The following STXBP5L variants were observed in gnomAD, a reference collection of about 807,000 sequenced individuals.
STXBP5L encodes the protein syntaxin-binding protein 5-like.
Under a neutral mutation model 144.5 loss-of-function variants are expected in STXBP5L, and 65 were observed. That is an observed-to-expected ratio of 0.45 (90% CI 0.37 to 0.55). The LOEUF (loss-of-function observed/expected upper bound fraction) is 0.55, where lower values mean the gene tolerates loss of function less well. STXBP5L is among the 20% of genes least tolerant of loss of function. The probability of loss-of-function intolerance (pLI) is 0.00; values close to 1 mark genes in which losing one functional copy is unlikely to be tolerated. For synonymous variants in STXBP5L, 505 were observed against 469.6 expected (o/e 1.08, Z -0.97); for missense variants, 1,298 against 1,405.5 (o/e 0.92, Z 1.22).
At chr3:121,045,003 T>A (rs1947412699) in intron 4 of STXBP5L, among the ~76,000 whole-genome samples, 1 of 152,124 alleles carries the variant, frequency 6.6e-6, no homozygotes, top group Non-Finnish European at 1.5e-5. Context: ...TACAGAAAAT[T>A]CTTGCAAAGG....
At chr3:121,352,510 T>C (rs1028267552) in intron 20 of STXBP5L, among the ~76,000 whole-genome samples, 1 of 152,116 alleles carries the variant, frequency 6.6e-6, no homozygotes, top group Non-Finnish European at 1.5e-5. Context: ...ATAGGAATGA[T>C]TGTGAGTTTT....
intron 5 of STXBP5L, among the ~76,000 whole-genome samples, chr3:121,097,839 T>C (rs564414716): frequency 1.3e-5 from 2 of 152,338 alleles, no homozygotes; most frequent in African/African-American, 4.8e-5. Flanking sequence ...TGAAATGTGA[T>C]CTAATACAAT....
At chr3:121,102,589 A>T (rs368943116) in intron 5 of STXBP5L, among the ~76,000 whole-genome samples, 37 of 152,146 alleles carry the variant, frequency 2.4e-4, no homozygotes, top group African/African-American at 8.9e-4. Context: ...CAGACCTCAA[A>T]CTATAAGAAT....
chr3:121,335,525 GCAT>G (rs1227213482), intron 20 of STXBP5L, among the ~76,000 whole-genome samples: 1 of 152,106 alleles, frequency 6.6e-6, no homozygotes, highest in Non-Finnish European at 1.5e-5. Context: ...AAAACTGGAA[GCAT>G]CATGTTACCC....
intron 20 of STXBP5L, among the ~76,000 whole-genome samples, chr3:121,332,308 C>A (rs2044345547): frequency 6.9e-6 from 1 of 143,986 alleles, no homozygotes; most frequent in African/African-American, 2.6e-5. Flanking sequence ...TAAGTTACTT[C>A]AGGAGATACA....
intron 19 of STXBP5L, among the ~76,000 whole-genome samples, chr3:121,302,850 C>T (rs1056063282): frequency 6.6e-6 from 1 of 152,142 alleles, no homozygotes; most frequent in African/African-American, 2.4e-5. Context: ...GAAACTGGAT[C>T]CCTTCCTTAC....
chr3:121,364,133 C>T (rs1389857522), intron 20 of STXBP5L, among the ~76,000 whole-genome samples: 2 of 152,008 alleles, frequency 1.3e-5, no homozygotes. Context: ...TTAACTTTTG[C>T]CCTTTGTAGC....
At chr3:121,130,683 T>C (rs1028761785) in intron 7 of STXBP5L, among the ~76,000 whole-genome samples, 24 of 152,096 alleles carry the variant, frequency 1.6e-4, no homozygotes, top group South Asian at 8.3e-4. Context: ...ATCATCACAA[T>C]TGGTAGAGCC....
At chr3:121,214,892 G>T (rs2048716858) in intron 10 of STXBP5L, among the ~76,000 whole-genome samples, 1 of 152,088 alleles carries the variant, frequency 6.6e-6, no homozygotes, top group Non-Finnish European at 1.5e-5. Flanking sequence ...GGGTGCTCCT[G>T]TATTGGTTGC....
intron 3 of STXBP5L, among the ~76,000 whole-genome samples, chr3:121,002,279 C>G (rs75533524): frequency 0.099 from 15,107 of 151,980 alleles, 1,186 homozygotes; most frequent in Admixed American, 0.2. Context: ...TTGTTGTTTT[C>G]ATTAGTGCTT....
intron 3 of STXBP5L, among the ~76,000 whole-genome samples, chr3:121,018,821 T>C (rs180706904): frequency 1.7e-4 from 26 of 152,240 alleles, no homozygotes; most frequent in African/African-American, 5.8e-4. Context: ...ATCATGAACT[T>C]TTACTTCATG....
chr3:121,224,394 G>A (rs1203855729), intron 11 of STXBP5L, among the ~76,000 whole-genome samples: 1 of 151,954 alleles, frequency 6.6e-6, no homozygotes, highest in Non-Finnish European at 1.5e-5. Context: ...AAAGTTACTA[G>A]GACAGACAAT....
chr3:120,953,267 A>G (rs1462704368), intron 2 of STXBP5L, among the ~76,000 whole-genome samples: 3 of 151,852 alleles, frequency 2.0e-5, no homozygotes, highest in African/African-American at 2.4e-5. Context: ...AGCAGTGGAA[A>G]TCTATACAGT....
At chr3:121,075,227 T>G (rs2041970831) in intron 5 of STXBP5L, among the ~76,000 whole-genome samples, 1 of 152,156 alleles carries the variant, frequency 6.6e-6, no homozygotes, top group South Asian at 2.1e-4. Context: ...TCTCTGGACA[T>G]TCATTCCTCC....
intron 9 of STXBP5L, among the ~76,000 whole-genome samples, chr3:121,168,801 G>C (rs2046593237): frequency 6.6e-6 from 1 of 152,132 alleles, no homozygotes; most frequent in Non-Finnish European, 1.5e-5. Flanking sequence ...CCCCAATCTA[G>C]CAAGGAAGGC....
At chr3:121,010,336 T>C (rs1027314113) in intron 3 of STXBP5L, among the ~76,000 whole-genome samples, 1 of 151,916 alleles carries the variant, frequency 6.6e-6, no homozygotes, top group African/African-American at 2.4e-5. Context: ...CTTCAATTGA[T>C]AGGCTCTGGA....
intron 3 of STXBP5L, among the ~76,000 whole-genome samples, chr3:120,963,597 C>A (rs532104504): frequency 2.0e-5 from 3 of 152,110 alleles, no homozygotes; most frequent in African/African-American, 7.2e-5. Flanking sequence ...TATGTTGAAC[C>A]AGTCTTGCAT....
intron 3 of STXBP5L, among the ~76,000 whole-genome samples, chr3:120,971,846 TATA>T (rs1940305669): frequency 6.6e-6 from 1 of 151,662 alleles, no homozygotes; most frequent in African/African-American, 2.4e-5. Context: ...AATATACTAT[TATA>T]ATATCCATGC....
At chr3:121,081,220 A>G (rs1207234542) in intron 5 of STXBP5L, among the ~76,000 whole-genome samples, 2 of 151,780 alleles carry the variant, frequency 1.3e-5, no homozygotes, top group South Asian at 2.1e-4. Context: ...CTTTTTCTTT[A>G]TGCTATCTCT....
Sources: allele counts gnomAD v4.1 joint callset (sites outside exome capture counted in the v4.1 genomes callset), GRCh38; gene constraint gnomAD v4.1.1; transcripts MANE v1.5; gene names NCBI Gene and HGNC (gene_info 2026-07-23, HGNC 2026-07-21).